The following COL27A1 variants were observed in gnomAD, a reference collection of about 807,000 sequenced individuals.
COL27A1 encodes collagen alpha-1(XXVII) chain.
In COL27A1, 106 loss-of-function variants were observed where a neutral mutation model predicts 251.3. The ratio of observed to expected loss-of-function variants is 0.42; its 90% CI spans 0.36 to 0.50. The LOEUF is 0.50. COL27A1 is among the 20% of genes least tolerant of loss of function. The probability of loss-of-function intolerance (pLI) is 0.00; values close to 1 mark genes in which losing one functional copy is unlikely to be tolerated. For synonymous variants in COL27A1, 1,000 were observed against 986.3 expected (o/e 1.01, Z -0.26); for missense variants, 2,325 against 2,522.8 (o/e 0.92, Z 1.68).
At chr9:114,220,022 T>C (rs1830968161) in intron 13 of COL27A1, among the ~76,000 whole-genome samples, 178 bp downstream of exon 13, 2 of 152,140 alleles carry the variant, frequency 1.3e-5, no homozygotes, top group African/African-American at 2.4e-5. Flanking sequence ...TCCTGTCTAC[T>C]GCGGCTGCAC....
At chr9:114,185,482 G>T (rs1185847607) in intron 5 of COL27A1, among the ~76,000 whole-genome samples, 1 of 152,232 alleles carries the variant, frequency 6.6e-6, no homozygotes, top group Non-Finnish European at 1.5e-5. Context: ...GCATGGGCAG[G>T]ACAAGGTTAA....
Position 114,282,482 on chromosome 9 carries a change from T to A in COL27A1, c.3797T>A (p.Leu1266Gln). 1 of 1,596,384 alleles carries A rather than the reference T, an allele frequency of 6.3e-7. No homozygotes were observed. Residue 1266 changes from leucine (L) to glutamine (Q), a missense_variant, in exon 39 of 61, where the codon CTG (leucine) becomes CAG (glutamine). Transcript: ENST00000356083. ...AKGAKGYQGQ[L>Q]GEMGVPGDPG... Reference sequence around the variant, plus strand: ...GGTGCCAAGGGCTATCAAGGACAGCTGGGTGAGATGGGCGTCCCTGGAGAC... The same window carrying A: ...GGTGCCAAGGGCTATCAAGGACAGCAGGGTGAGATGGGCGTCCCTGGAGAC...
At chr9:114,231,941 G>A in intron 16 of COL27A1, 75 bp downstream of exon 16, 1 of 1,466,026 alleles carries the variant, frequency 6.8e-7, no homozygotes, top group South Asian at 1.1e-5. Flanking sequence ...GGCTGCTGCT[G>A]ATTTCTCGCC....
chr9:114,311,548 G>GAAAAAAAAAAAAAAAAAAAAAGA lies in COL27A1; in HGVS notation c.*870_*871insAAAAGAAAAAAAAAAAAAAAAAA, dbSNP rs56094843. 1 of 96,190 alleles carries GAAAAAAAAAAAAAAAAAAAAAGA rather than the reference G, an allele frequency of 1.0e-5. No individual in the cohort carries two copies. The highest frequency in any genetic ancestry group is 2.4e-5 in the Non-Finnish European group (1 of 41,926). 6.0% of individuals were successfully genotyped at this position (96,190 alleles called of 1,614,324 possible). Reference sequence around the variant, plus strand: ...AGGAGGAAAAAAGAAAAGAAAAAAGGAAAAAAAAAAAAAAAAAGCAAAACA... The same window carrying GAAAAAAAAAAAAAAAAAAAAAGA: ...AGGAGGAAAAAAGAAAAGAAAAAAGGAAAAAAAAAAAAAAAAAAAAAGAAAAAAAAAAAAAAAAAAGCAAAACA... On this transcript the variant is annotated 3_prime_UTR_variant, in exon 61 of 61. Transcript: ENST00000356083.
chr9:114,194,672 T>A (rs936898332), intron 6 of COL27A1, among the ~76,000 whole-genome samples: 3 of 152,246 alleles, frequency 2.0e-5, no homozygotes, highest in African/African-American at 7.2e-5. Context: ...CCAGCCACCT[T>A]CTTTCCAGAA....
At chr9:114,303,500 A>G (rs1409145638) in intron 56 of COL27A1, among the ~76,000 whole-genome samples, 1 of 152,054 alleles carries the variant, frequency 6.6e-6, no homozygotes. Context: ...CGGCCTCCCA[A>G]AGTGCTGGGA....
intron 39 of COL27A1, among the ~76,000 whole-genome samples, chr9:114,283,001 G>A (rs1015733420): frequency 4.6e-5 from 7 of 152,230 alleles, no homozygotes; most frequent in Admixed American, 1.3e-4. Context: ...AGCATTGCTG[G>A]GCTGCTCTGA....
In COL27A1 at chr9:114,240,239, G is replaced by C. The variant is rs1453397625; in HGVS notation, c.2747G>C (p.Gly916Ala). 1.2e-6 allele frequency: 2 copies of C among 1,608,152 alleles called. No individual in the cohort carries two copies. The highest frequency in any genetic ancestry group is 1.1e-5 in the South Asian group (1 of 90,214). The change falls in exon 20 of 61, where the codon GGC (glycine) becomes GCC (alanine). Residue 916 changes from glycine to alanine, a missense_variant. By Grantham distance (60) the Gly-to-Ala change is moderately conservative. Around this residue, in one of 4 missense-constraint regions of COL27A1, gnomAD observed 662 missense variants for 795.3 expected, o/e 0.83. Coordinates refer to ENST00000356083, the MANE Select transcript of COL27A1 (RefSeq NM_032888.4). ...PGPEGFPGDI[G>A]PPGDNGPEGM... ...CCTCAGGGATTCCCAGGAGACATCGGCCCCCCTGGCGACAATGGCCCAGAA... is the reference window on the plus strand; with the variant it reads ...CCTCAGGGATTCCCAGGAGACATCGCCCCCCCTGGCGACAATGGCCCAGAA...
intron 14 of COL27A1, among the ~76,000 whole-genome samples, chr9:114,225,886 A>G (rs7028696): frequency 0.73 from 111,679 of 152,104 alleles, 41,815 homozygotes; most frequent in South Asian, 0.89. Flanking sequence ...TGTGTGCAAC[A>G]CATGCACTGG....
In COL27A1 at chr9:114,262,896, C is replaced by A. The variant is rs544986921; in HGVS notation, c.3196-1459C>A. On this transcript the variant is annotated intron_variant, in intron 28 of 60. Transcript: ENST00000356083. ...CCAGGCAGCTGAGAAGTGGAATTTT[C>A]ACTTTGTTGGCCCAATTATTCATTG... Among the ~76,000 whole-genome samples the A allele has an allele frequency of 4.0e-5, 6 of 150,554 alleles. No individual in the cohort carries two copies. The South Asian group carries it at 1.3e-3, about 32-fold the overall frequency.
chr9:114,224,895 G>A (rs117888775), intron 14 of COL27A1, among the ~76,000 whole-genome samples: 5,569 of 151,986 alleles, frequency 0.037, 118 homozygotes, highest in South Asian at 0.071. Flanking sequence ...GGGCTCAAGC[G>A]ATCTGCCCAC....
At chr9:114,194,493 G>A (rs1421198071) in intron 6 of COL27A1, 36 bp downstream of exon 6, 7 of 1,567,334 alleles carry the variant, frequency 4.5e-6, no homozygotes, top group Non-Finnish European at 8.7e-7. Context: ...CAGGGAAGAG[G>A]GGAGTGGATG....
chr9:114,298,161 T>C (rs987326216), intron 49 of COL27A1, among the ~76,000 whole-genome samples: 5 of 149,236 alleles, frequency 3.4e-5, no homozygotes, highest in Non-Finnish European at 5.9e-5. Context: ...GTACAAGATA[T>C]GTTCAGTGAA....
chr9:114,293,972 C>T (rs1828089173), intron 49 of COL27A1, among the ~76,000 whole-genome samples: 1 of 151,976 alleles, frequency 6.6e-6, no homozygotes. Flanking sequence ...GGCGCGGTGG[C>T]TTACGCCTGT....
intron 1 of COL27A1, among the ~76,000 whole-genome samples, chr9:114,158,019 C>T (rs1484328365): frequency 6.6e-6 from 1 of 152,176 alleles, no homozygotes; most frequent in African/African-American, 2.4e-5. Context: ...GCTGCATCCT[C>T]TCCAGACGAT....
In COL27A1 at chr9:114,310,565, G is replaced by T; in HGVS notation, c.5453G>T (p.Trp1818Leu). 1 of 1,614,172 alleles carries T rather than the reference G, an allele frequency of 6.2e-7. No homozygotes were observed. The highest frequency in any genetic ancestry group is 8.5e-7 in the Non-Finnish European group (1 of 1,180,036). ...TGCCTTCAGGTCCAAGATGGCCGCT[G>T]GCATCAGACACTCTTCACCTTCCGG... is the stretch of plus-strand genomic sequence containing the variant. ...MDGCKVQDGR[W>L]HQTLFTFRTQ... The change falls in exon 61 of 61, where the codon TGG (tryptophan) becomes TTG (leucine). Residue 1818 changes from tryptophan to leucine, a missense_variant. Trp to Leu is a moderately conservative substitution (Grantham distance 61). Around this residue, in one of 4 missense-constraint regions of COL27A1, gnomAD observed 327 missense variants for 442.8 expected, o/e 0.74. Transcript: ENST00000356083.
At chr9:114,282,199 TCTGA>T in intron 37 of COL27A1, 74 bp from the exon 38 acceptor site, 1 of 1,366,770 alleles carries the variant, frequency 7.3e-7, no homozygotes, top group Admixed American at 1.7e-5. Context: ...GAGCCGACAG[TCTGA>T]CCGCCTTGCG....
intron 3 of COL27A1, 64 bp from the exon 4 acceptor site, chr9:114,178,227 G>A: frequency 1.4e-6 from 2 of 1,392,144 alleles, no homozygotes; most frequent in Admixed American, 1.7e-5. Flanking sequence ...TTGAATGACT[G>A]CTTGAGCCCA....
At chr9:114,254,637 G>A (rs185976586) in intron 27 of COL27A1, among the ~76,000 whole-genome samples, 4 of 152,272 alleles carry the variant, frequency 2.6e-5, no homozygotes, top group South Asian at 2.1e-4. Flanking sequence ...CCAGACTGAG[G>A]AGTTCCCTGG....
Sources: allele counts gnomAD v4.1 joint callset (sites outside exome capture counted in the v4.1 genomes callset), GRCh38; gene constraint gnomAD v4.1.1; regional missense constraint gnomAD v4.1.1; transcripts MANE v1.5; gene names NCBI Gene and HGNC (gene_info 2026-07-23, HGNC 2026-07-21).